Variants in PTPRT observed in about 807,000 individuals in gnomAD.
PTPRT encodes receptor-type tyrosine-protein phosphatase T.
PTPRT carries 56 observed loss-of-function variants against 176.8 expected under a neutral mutation model. The observed-to-expected ratio is 0.32, with a 90% CI of 0.26 to 0.40. The LOEUF (loss-of-function observed/expected upper bound fraction) is 0.40, where lower values mean the gene tolerates loss of function less well. Ranked by LOEUF, PTPRT falls within the 10% of genes least tolerant of loss-of-function variation. The pLI, the probability that PTPRT is intolerant of heterozygous loss-of-function variation, is 1.00. For synonymous variants in PTPRT, 783 were observed against 739.0 expected, an observed-to-expected ratio of 1.06 and a Z score of -0.96; for missense variants, 1,540 against 1,908.2, an observed-to-expected ratio of 0.81 and a Z score of 3.60.
intron 1 of PTPRT, among the ~76,000 whole-genome samples, chr20:43,126,308 G>A (rs1368806344): frequency 1.3e-5 from 2 of 151,202 alleles, no homozygotes; most frequent in African/African-American, 4.9e-5. Flanking sequence ...CCAACATCAC[G>A]CCATTGCACT....
At chr20:42,955,987 A>T (rs1302436203) in intron 1 of PTPRT, among the ~76,000 whole-genome samples, 1 of 152,104 alleles carries the variant, frequency 6.6e-6, no homozygotes, top group Non-Finnish European at 1.5e-5. Flanking sequence ...GCCTTAGCGC[A>T]TTCCCTTCCA....
chr20:42,562,231 C>T (rs1470886378), intron 7 of PTPRT, among the ~76,000 whole-genome samples: 1 of 152,192 alleles, frequency 6.6e-6, no homozygotes, highest in Non-Finnish European at 1.5e-5. Flanking sequence ...ATTTCCAGCC[C>T]TCCAGAATTA....
At chr20:42,949,757 A>AT (rs1981116029) in intron 1 of PTPRT, among the ~76,000 whole-genome samples, 1 of 152,214 alleles carries the variant, frequency 6.6e-6, no homozygotes, top group Admixed American at 6.5e-5. Flanking sequence ...CCACTCAGCT[A>AT]TTTTTTATGT....
At chr20:42,380,690 C>T (rs572316620) in intron 9 of PTPRT, among the ~76,000 whole-genome samples, 3 of 152,270 alleles carry the variant, frequency 2.0e-5, no homozygotes, top group East Asian at 1.9e-4. Context: ...CTGTCTTGAG[C>T]GTGTTTTTGT....
chr20:43,118,083 T>C (rs2013122699), intron 1 of PTPRT, among the ~76,000 whole-genome samples: 1 of 152,194 alleles, frequency 6.6e-6, no homozygotes, highest in Admixed American at 6.5e-5. Flanking sequence ...AAAATTCTTC[T>C]GTAAAGGGAC....
chr20:42,184,518 C>CTTCCT (rs1555797923), intron 16 of PTPRT, among the ~76,000 whole-genome samples: 1 of 54,398 alleles, frequency 1.8e-5, no homozygotes, highest in South Asian at 8.1e-4. Context: ...TCCTCCTCCT[C>CTTCCT]CTTCTTCTTC....
rs139591904 is a variant in PTPRT, at chr20:42,901,562, C to T, written c.89-15630G>A. 5.3e-3 allele frequency among the ~76,000 whole-genome samples: 801 copies of T among 152,298 alleles called. 9 individuals are homozygous for T. Among genetic ancestry groups the T allele is most frequent in the African/African-American group, 0.018 (755 of 41,560 alleles). On this transcript the variant is annotated intron_variant, in intron 1 of 30. Coordinates refer to ENST00000373187, the MANE Select transcript of PTPRT (RefSeq NM_007050.6). ...CTGTGGAAGCTCCTGGCACGTCCCC[C>T]ACGGTCTCTGTCTTGTTTAGGGAAC... is the stretch of plus-strand genomic sequence containing the variant.
chr20:42,826,793 T>C (rs746118122), intron 2 of PTPRT, among the ~76,000 whole-genome samples: 1 of 152,196 alleles, frequency 6.6e-6, no homozygotes, highest in Non-Finnish European at 1.5e-5. Context: ...CCAAATGGTA[T>C]GCAATCTTCA....
intron 7 of PTPRT, among the ~76,000 whole-genome samples, chr20:42,588,028 C>G (rs993941350): frequency 4.6e-5 from 7 of 152,134 alleles, no homozygotes; most frequent in African/African-American, 1.4e-4. Context: ...GAGTTCATCC[C>G]TTTCCCCAGT....
chr20:42,596,869 G>C (rs2073680619), intron 7 of PTPRT, among the ~76,000 whole-genome samples: 1 of 152,190 alleles, frequency 6.6e-6, no homozygotes, highest in Non-Finnish European at 1.5e-5. Flanking sequence ...CTCTCATAAT[G>C]GTTGGAAGTG....
At chr20:42,476,925 C>T (rs547550205) in intron 7 of PTPRT, among the ~76,000 whole-genome samples, 9 of 152,308 alleles carry the variant, frequency 5.9e-5, no homozygotes, top group African/African-American at 7.2e-5. Flanking sequence ...AAGCCTGTCC[C>T]GAACATGTGC....
At position 42,831,364 on chromosome 20, in the gene PTPRT, T is replaced by C. The variant is rs557185002; in HGVS notation, c.215-39898A>G. Among the ~76,000 whole-genome samples, 5 of 152,290 alleles carry C rather than the reference T, an allele frequency of 3.3e-5. No individual in the cohort carries two copies. The East Asian group carries it at 7.7e-4, about 24-fold the overall frequency. Reference sequence around the variant, plus strand: ...AACTGGACCATTTCCTTATACCCTATACAAAAATCAACTCAAGATGAATTA... The same window carrying C: ...AACTGGACCATTTCCTTATACCCTACACAAAAATCAACTCAAGATGAATTA... On this transcript the variant is annotated intron_variant, in intron 2 of 30. Transcript: ENST00000373187.
intron 16 of PTPRT, among the ~76,000 whole-genome samples, chr20:42,178,688 A>G (rs6016709): frequency 0.34 from 51,771 of 151,728 alleles, 9,105 homozygotes; most frequent in Admixed American, 0.38. Context: ...GTTGCACTCA[A>G]GCTGACCGCT....
At chr20:42,332,419 C>T (rs1274014237) in intron 11 of PTPRT, among the ~76,000 whole-genome samples, 1 of 151,924 alleles carries the variant, frequency 6.6e-6, no homozygotes, top group Non-Finnish European at 1.5e-5. Context: ...ACCGTGTTAG[C>T]CAGGATGGCC....
chr20:42,388,709 C>T (rs1244739105), intron 9 of PTPRT, among the ~76,000 whole-genome samples: 1 of 152,210 alleles, frequency 6.6e-6, no homozygotes, highest in African/African-American at 2.4e-5. Context: ...TTGTGGAAGA[C>T]AGTGTGGCGA....
chr20:42,571,017 C>T (rs74394808), intron 7 of PTPRT, among the ~76,000 whole-genome samples: 7,870 of 152,094 alleles, frequency 0.052, 251 homozygotes, highest in Middle Eastern at 0.11. Flanking sequence ...AAGCCCCCCA[C>T]AGAAGAAAAT....
chr20:42,875,938 T>C (rs1291762720), intron 2 of PTPRT, among the ~76,000 whole-genome samples: 1 of 152,226 alleles, frequency 6.6e-6, no homozygotes, highest in Non-Finnish European at 1.5e-5. Context: ...TAAGTTACTA[T>C]ATTTCAAGTA....
chr20:42,088,153 A>G (rs537782927), intron 27 of PTPRT, among the ~76,000 whole-genome samples: 45 of 152,286 alleles, frequency 3.0e-4, no homozygotes, highest in African/African-American at 1.0e-3. Flanking sequence ...CCACCCCAAC[A>G]TGAACAAAGA....
intron 12 of PTPRT, among the ~76,000 whole-genome samples, chr20:42,304,583 A>G (rs2057516804): frequency 6.6e-6 from 1 of 152,190 alleles, no homozygotes; most frequent in Non-Finnish European, 1.5e-5. Context: ...ATGCAACAGG[A>G]AAGACCCCAT....
Sources: allele counts gnomAD v4.1 joint callset (sites outside exome capture counted in the v4.1 genomes callset), GRCh38; gene constraint gnomAD v4.1.1; transcripts MANE v1.5; gene names NCBI Gene and HGNC (gene_info 2026-07-23, HGNC 2026-07-21).